Variants in ACO1 observed in about 807,000 individuals in gnomAD.
ACO1 encodes aconitase 1.
Under a neutral mutation model 105.1 loss-of-function variants are expected in ACO1, and 78 were observed. The observed-to-expected ratio is 0.74, with a 90% confidence interval of 0.62 to 0.90. The LOEUF (loss-of-function observed/expected upper bound fraction) is 0.90, where lower values mean the gene tolerates loss of function less well. Ranked by LOEUF, ACO1 falls within the 40% of genes least tolerant of loss-of-function variation. The probability of loss-of-function intolerance (pLI) is 0.00; values close to 1 mark genes in which losing one functional copy is unlikely to be tolerated. For synonymous variants in ACO1, 364 were observed against 397.4 expected, an observed-to-expected ratio of 0.92 and a Z score of 1.00; for missense variants, 965 against 1,111.1, an observed-to-expected ratio of 0.87 and a Z score of 1.87.
At chr9:32,440,642 C>A (rs1822459888) in intron 19 of ACO1, 55 bp downstream of exon 19, 1 of 1,583,152 alleles carries the variant, frequency 6.3e-7, no homozygotes, top group Admixed American at 1.8e-5. Flanking sequence ...TGGGAGGGTC[C>A]CCAGGCACAA....
chr9:32,406,463 A>T (rs981250638), intron 2 of ACO1, among the ~76,000 whole-genome samples: 3 of 152,334 alleles, frequency 2.0e-5, no homozygotes, highest in South Asian at 4.1e-4. Flanking sequence ...TCTACAAAAA[A>T]TAGAAAAAAA....
chr9:32,399,271 C>T (rs761843880), intron 1 of ACO1, among the ~76,000 whole-genome samples: 4 of 152,194 alleles, frequency 2.6e-5, no homozygotes, highest in Admixed American at 1.3e-4. Flanking sequence ...CTTAGTGTTA[C>T]TCAGTTTGAC....
chr9:32,410,516 T>C (rs763870448), intron 4 of ACO1, among the ~76,000 whole-genome samples: 15 of 151,380 alleles, frequency 9.9e-5, no homozygotes, highest in Admixed American at 3.3e-4. Flanking sequence ...GCAGAGATAG[T>C]GCCACTGCAC....
At chr9:32,419,256 C>A in intron 7 of ACO1, 79 bp downstream of exon 7, 1 of 1,403,178 alleles carries the variant, frequency 7.1e-7, no homozygotes, top group Non-Finnish European at 9.4e-7. Flanking sequence ...ATAATGGAAT[C>A]TTGTTTGGTT....
chr9:32,402,248 C>G (rs1424041644), intron 1 of ACO1, among the ~76,000 whole-genome samples: 1 of 151,872 alleles, frequency 6.6e-6, no homozygotes, highest in African/African-American at 2.4e-5. Context: ...AGTATCATCT[C>G]ATTCTATAGA....
intron 11 of ACO1, among the ~76,000 whole-genome samples, chr9:32,426,586 C>T (rs1394227755): frequency 6.6e-6 from 1 of 152,198 alleles, no homozygotes; most frequent in East Asian, 1.9e-4. Context: ...TTCTATGAAG[C>T]AGACACGGGC....
At chr9:32,426,193 C>T (rs936577549) in intron 11 of ACO1, among the ~76,000 whole-genome samples, 196 bp downstream of exon 11, 23 of 152,194 alleles carry the variant, frequency 1.5e-4, no homozygotes, top group African/African-American at 5.1e-4. Flanking sequence ...ATCGAATGCA[C>T]ACTGCATAAT....
intron 19 of ACO1, among the ~76,000 whole-genome samples, chr9:32,446,397 T>A (rs1042319915): frequency 6.6e-6 from 1 of 152,214 alleles, no homozygotes; most frequent in Non-Finnish European, 1.5e-5. Flanking sequence ...TATCAGAGAC[T>A]AGGATTGCAA....
intron 6 of ACO1, 119 bp from the exon 7 acceptor site, chr9:32,418,919 C>A: frequency 8.1e-7 from 1 of 1,235,208 alleles, no homozygotes; most frequent in Non-Finnish European, 1.1e-6. Context: ...AGAAACATGA[C>A]TCTGCACCAA....
chr9:32,425,126 G>A (rs138287849), intron 10 of ACO1, among the ~76,000 whole-genome samples: 141 of 152,258 alleles, frequency 9.3e-4, no homozygotes, highest in African/African-American at 3.2e-3. Flanking sequence ...GAAATACTTC[G>A]ATAGCATTCC....
chr9:32,434,694 A>C lies in ACO1; in HGVS notation c.2092A>C (p.Asn698His). The part of the protein sequence containing the change: ...RNSPAARYLT[N>H]RGLTPREFNS... ...CAGTCCTGCTGCTCGCTACTTAACT[A>C]ACAGAGGGTAAGTATGAATGAGGCA... The change falls in exon 17 of 21, where the codon AAC (asparagine) becomes CAC (histidine). Residue 698 changes from asparagine (N) to histidine (H), a missense_variant. By Grantham distance (68) the Asn-to-His change is moderately conservative. Transcript: ENST00000309951. 6.2e-7 allele frequency: 1 copy of C among 1,614,050 alleles called. No individual in the cohort carries two copies. Among genetic ancestry groups the C allele is most frequent in the Non-Finnish European group, 8.5e-7 (1 of 1,179,932 alleles).
At chr9:32,412,770 T>C (rs529008724) in intron 4 of ACO1, among the ~76,000 whole-genome samples, 8 of 152,208 alleles carry the variant, frequency 5.3e-5, no homozygotes, top group Non-Finnish European at 1.2e-4. Context: ...TAAAATGTTA[T>C]CCTGTTTGAG....
chr9:32,404,344 C>G (rs1296438568), intron 1 of ACO1, among the ~76,000 whole-genome samples: 2 of 152,028 alleles, frequency 1.3e-5, no homozygotes, highest in Admixed American at 1.3e-4. Flanking sequence ...CCCCTTTTTT[C>G]CATTTCAGTT....
intron 12 of ACO1, 53 bp downstream of exon 12, chr9:32,427,489 T>A: frequency 6.2e-7 from 1 of 1,606,506 alleles, no homozygotes; most frequent in South Asian, 1.1e-5. Flanking sequence ...GTATCCCTCA[T>A]GTATCTTGCT....
Position 32,407,391 on chromosome 9 carries a change from G to A in ACO1, c.228G>A (p.Val76=), listed in dbSNP as rs750617308. Residue 76 remains valine, a synonymous_variant, in exon 3 of 21, where the codon GTG becomes GTA. Coordinates refer to ENST00000309951, the MANE Select transcript of ACO1 (RefSeq NM_002197.3). The stretch of plus-strand genomic sequence containing the variant: ...TCACGCAGCACAAGAACATAGAAGT[G>A]CCATTTAAGCCTGCTCGTGTCATCC... The part of the protein sequence containing the change: ...WNVTQHKNIE[V]PFKPARVILQ... 1 of 1,614,086 alleles carries A rather than the reference G, an allele frequency of 6.2e-7. No individual in the cohort carries two copies. The highest frequency in any genetic ancestry group is 8.5e-7 in the Non-Finnish European group (1 of 1,179,976).
rs145087187 is a variant in ACO1, at chr9:32,450,012, G to A, written c.2571G>A (p.Lys857=). Residue 857 remains lysine (K), a synonymous_variant, in exon 21 of 21, where the codon AAG becomes AAA. Coordinates refer to ENST00000309951, the MANE Select transcript of ACO1 (RefSeq NM_002197.3). ...MKVQVKLDTG[K]TFQAVMRFDT... ...TTGTGCCACAGCTGGATACTGGCAA[G>A]ACCTTCCAGGCTGTCATGAGGTTTG... 87 of 1,613,992 alleles carry A rather than the reference G, an allele frequency of 5.4e-5. No individual in the cohort carries two copies. The African/African-American group carries it at 6.9e-4, about 13-fold the overall frequency.
At chr9:32,440,951 T>G (rs1265140854) in intron 19 of ACO1, among the ~76,000 whole-genome samples, 3 of 152,120 alleles carry the variant, frequency 2.0e-5, no homozygotes, top group Admixed American at 6.5e-5. Flanking sequence ...GACCCCAAAT[T>G]TATTCAGGTC....
At chr9:32,429,632 T>G in intron 13 of ACO1, 129 bp downstream of exon 13, 2 of 796,856 alleles carry the variant, frequency 2.5e-6, no homozygotes, top group East Asian at 2.7e-5. Context: ...TCTTTTGAGT[T>G]TAGTTAAAAT....
At chr9:32,417,405 A>G (rs973613711) in intron 4 of ACO1, among the ~76,000 whole-genome samples, 3 of 152,254 alleles carry the variant, frequency 2.0e-5, no homozygotes, top group Non-Finnish European at 4.4e-5. Flanking sequence ...CAATCCTATG[A>G]TACATGCTTT....
Sources: allele counts gnomAD v4.1 joint callset (sites outside exome capture counted in the v4.1 genomes callset), GRCh38; gene constraint gnomAD v4.1.1; transcripts MANE v1.5; gene names NCBI Gene and HGNC (gene_info 2026-07-23, HGNC 2026-07-21).